Variants in LINGO1 observed in about 807,000 individuals in gnomAD.
LINGO1 encodes leucine-rich repeat and immunoglobulin-like domain-containing nogo receptor-interacting protein 1.
A neutral mutation model predicts 37.3 loss-of-function variants in LINGO1; 11 were observed. The observed-to-expected ratio is 0.29, with a 90% CI of 0.19 to 0.49. The LOEUF (loss-of-function observed/expected upper bound fraction) is 0.49. Among genes scored for constraint, LINGO1 ranks in the 20% least tolerant of loss-of-function variants. LINGO1 has a pLI of 0.99. For missense variants in LINGO1, 585 were observed against 878.2 expected (o/e 0.67, Z 4.22); for synonymous variants, 387 against 403.0 (o/e 0.96, Z 0.48).
At chr15:77,753,840 C>T (rs2076394337) in intron 1 of LINGO1, among the ~76,000 whole-genome samples, 1 of 152,222 alleles carries the variant, frequency 6.6e-6, no homozygotes, top group South Asian at 2.1e-4. Flanking sequence ...ACAGAAAGTG[C>T]CCTCCTGGGC....
At chr15:77,733,388 T>C (rs1403661505) in intron 2 of LINGO1, among the ~76,000 whole-genome samples, 2 of 152,184 alleles carry the variant, frequency 1.3e-5, no homozygotes, top group Non-Finnish European at 2.9e-5. Flanking sequence ...TGTGGCTGCC[T>C]GGTCCACACA....
At chr15:77,809,842 C>T (rs979567813) in intron 1 of LINGO1, among the ~76,000 whole-genome samples, 1 of 152,174 alleles carries the variant, frequency 6.6e-6, no homozygotes, top group Non-Finnish European at 1.5e-5. Context: ...TCACAGCTCC[C>T]ATTGAGCCAC....
At chr15:77,684,563 G>C (rs916567738) in intron 2 of LINGO1, among the ~76,000 whole-genome samples, 1 of 152,210 alleles carries the variant, frequency 6.6e-6, no homozygotes, top group Non-Finnish European at 1.5e-5. Flanking sequence ...AGCTGGGCAC[G>C]GTGGAGGGTG....
At chr15:77,666,446 G>A (rs1406314310) in intron 3 of LINGO1, among the ~76,000 whole-genome samples, 2 of 152,204 alleles carry the variant, frequency 1.3e-5, no homozygotes, top group East Asian at 3.9e-4. Context: ...ACCCTCATCT[G>A]CTGATTACCG....
intron 1 of LINGO1, among the ~76,000 whole-genome samples, chr15:77,781,985 G>A (rs947498934): frequency 6.6e-6 from 1 of 152,204 alleles, no homozygotes; most frequent in Non-Finnish European, 1.5e-5. Flanking sequence ...TTGGGGACAG[G>A]AGCCAGAAAG....
chr15:77,733,575 T>A (rs1948014430), intron 2 of LINGO1, among the ~76,000 whole-genome samples: 1 of 151,094 alleles, frequency 6.6e-6, no homozygotes, highest in Non-Finnish European at 1.5e-5. Context: ...GAACCTGGAG[T>A]AGAGACCAAG....
At chr15:77,755,610 T>C (rs1006392473) in intron 1 of LINGO1, among the ~76,000 whole-genome samples, 2 of 152,200 alleles carry the variant, frequency 1.3e-5, no homozygotes, top group Admixed American at 1.3e-4. Context: ...ATAGAGTTGC[T>C]ATCATTGTTT....
rs1236072602 is a variant in LINGO1, at chr15:77,615,505, G to A, written c.402C>T (p.Ile134=). The change falls in exon 2 of 2, where the codon ATC becomes ATT. Residue 134 remains isoleucine, a synonymous_variant. Transcript: ENST00000355300. Reference sequence around the variant, plus strand: ...TGAGGCCAGTGAAGACGCCTAGCGGGATGAGCTTCAGGCGGTTGCTGCGGA... The same window carrying A: ...TGAGGCCAGTGAAGACGCCTAGCGGAATGAGCTTCAGGCGGTTGCTGCGGA... ...LGLRSNRLKL[I]PLGVFTGLSN... is the part of the protein sequence containing the mutation. 14 of 1,613,878 alleles carry A rather than the reference G, an allele frequency of 8.7e-6. No homozygotes were observed. The Admixed American group carries it at 2.3e-4, about 27-fold the overall frequency.
At chr15:77,746,958 G>C (rs1489682617) in intron 1 of LINGO1, among the ~76,000 whole-genome samples, 2 of 152,130 alleles carry the variant, frequency 1.3e-5, no homozygotes, top group East Asian at 3.9e-4. Flanking sequence ...TGGACAGATG[G>C]GAAAATCTAG....
intron 1 of LINGO1, among the ~76,000 whole-genome samples, chr15:77,750,087 G>C (rs1300748345): frequency 6.6e-6 from 1 of 152,000 alleles, no homozygotes; most frequent in Non-Finnish European, 1.5e-5. Context: ...CACCCCTGGG[G>C]CTGAGTGAAC....
chr15:77,619,159 T>C (rs2073840208), intron 1 of LINGO1, among the ~76,000 whole-genome samples: 1 of 150,530 alleles, frequency 6.6e-6, no homozygotes, highest in Non-Finnish European at 1.5e-5. Context: ...CCTGGTTCAG[T>C]CATGGGTGTG....
chr15:77,654,910 G>A (rs2074835636), intron 3 of LINGO1, among the ~76,000 whole-genome samples: 2 of 152,178 alleles, frequency 1.3e-5, no homozygotes, highest in African/African-American at 4.8e-5. Flanking sequence ...CAGAGCTGAG[G>A]TGGCCCTGAT....
intron 1 of LINGO1, among the ~76,000 whole-genome samples, chr15:77,762,417 C>G (rs1460396000): frequency 6.6e-6 from 1 of 152,202 alleles, no homozygotes; most frequent in Non-Finnish European, 1.5e-5. Context: ...TGACCACCTT[C>G]TTCCCTGGAT....
rs28376064 is a variant in LINGO1, at chr15:77,722,782, A to G, written c.-195+12210T>C. 8.3e-3 allele frequency among the ~76,000 whole-genome samples: 1,270 copies of G among 152,294 alleles called. 24 individuals carry two copies. Among genetic ancestry groups the G allele is most frequent in the African/African-American group, 0.029 (1,207 of 41,554 alleles). ...GGGTGTAGAGGAAAGAGGGCTGGTC[A>G]TAAGTTGGTGCTGGTTGACAGAGCA... On this transcript the variant is annotated intron_variant, in intron 2 of 3. Coordinates refer to the LINGO1 transcript ENST00000561686.
intron 1 of LINGO1, among the ~76,000 whole-genome samples, chr15:77,775,351 C>T (rs1034833547): frequency 6.6e-6 from 1 of 152,164 alleles, no homozygotes; most frequent in Non-Finnish European, 1.5e-5. Flanking sequence ...GCTTCCAGGC[C>T]CTTAGACATT....
At chr15:77,712,985 C>G (rs1180004472) in intron 2 of LINGO1, among the ~76,000 whole-genome samples, 1 of 152,118 alleles carries the variant, frequency 6.6e-6, no homozygotes, top group Non-Finnish European at 1.5e-5. Context: ...GTTCTGGTAT[C>G]TGCCATCCTT....
chr15:77,679,977 G>A (rs1452702132), intron 2 of LINGO1, among the ~76,000 whole-genome samples: 1 of 152,234 alleles, frequency 6.6e-6, no homozygotes, highest in Non-Finnish European at 1.5e-5. Flanking sequence ...CTCACTGAAT[G>A]TCAGCACATT....
At chr15:77,677,480 C>T (rs2141219082) in intron 2 of LINGO1, among the ~76,000 whole-genome samples, 1 of 152,230 alleles carries the variant, frequency 6.6e-6, no homozygotes, top group African/African-American at 2.4e-5. Flanking sequence ...AAGGTCAGCC[C>T]ACCTCTGCAA....
At chr15:77,707,188 G>C (rs1305076798) in intron 2 of LINGO1, among the ~76,000 whole-genome samples, 1 of 152,254 alleles carries the variant, frequency 6.6e-6, no homozygotes, top group Admixed American at 6.5e-5. Flanking sequence ...CCAGGAGAGA[G>C]AGAGGGAGAA....
Sources: allele counts gnomAD v4.1 joint callset (sites outside exome capture counted in the v4.1 genomes callset), GRCh38; gene constraint gnomAD v4.1.1; transcripts MANE v1.5; gene names NCBI Gene and HGNC (gene_info 2026-07-23, HGNC 2026-07-21).